The following EXD2 variants were observed in gnomAD, a reference collection of about 807,000 sequenced individuals.
The protein encoded by EXD2 is exonuclease 3'-5' domain-containing protein 2.
In EXD2, 40 loss-of-function variants were observed where a neutral mutation model predicts 62.5. The ratio of observed to expected loss-of-function variants is 0.64; its 90% CI spans 0.50 to 0.83. EXD2 has a LOEUF of 0.83. Ranked by LOEUF, EXD2 falls within the 40% of genes least tolerant of loss-of-function variation. EXD2 has a pLI of 0.00. For synonymous variants in EXD2, 239 were observed against 291.9 expected, an observed-to-expected ratio of 0.82 and a Z score of 1.85; for missense variants, 671 against 761.8, an observed-to-expected ratio of 0.88 and a Z score of 1.40.
Position 69,206,455 on chromosome 14 carries a change from C to CTTTTT in EXD2, c.-48+2482_-48+2486dup, listed in dbSNP as rs56333403. 4.0e-4 allele frequency among the ~76,000 whole-genome samples: 38 copies of CTTTTT among 94,640 alleles called. 1 individual carries two copies. Among genetic ancestry groups the CTTTTT allele is most frequent in the African/African-American group, 1.6e-3 (36 of 22,178 alleles). 62.1% of individuals were successfully genotyped at this position (94,640 alleles called of 152,430 possible). Reference sequence around the variant, plus strand: ...CCCAGCTTCATCTCCCACCCACCCACTTTTTTTTTTTTTTTTTTTTTTTTT... The same window carrying CTTTTT: ...CCCAGCTTCATCTCCCACCCACCCACTTTTTTTTTTTTTTTTTTTTTTTTTTTTTT... On this transcript the variant is annotated intron_variant, in intron 2 of 9. Coordinates refer to ENST00000685843, the MANE Select transcript of EXD2 (RefSeq NM_001193360.2).
chr14:69,195,312 C>G (rs528265143), intron 1 of EXD2, among the ~76,000 whole-genome samples: 1 of 152,182 alleles, frequency 6.6e-6, no homozygotes, highest in African/African-American at 2.4e-5. Context: ...ATCCTCCTGC[C>G]TCAGCCCCCC....
rs2043956366 is a variant in EXD2, at chr14:69,240,818, G to C, written c.1650-66G>C. 7.0e-6 allele frequency: 10 copies of C among 1,430,454 alleles called. No homozygotes were observed. The East Asian group carries it at 2.3e-4, about 33-fold the overall frequency. 88.6% of individuals were successfully genotyped at this position (1,430,454 alleles called of 1,614,324 possible). ...CAGTTACCCTTGGCGCGCAGCATTT[G>C]AAGCTGTCTGTGAGGCCATCCTGCG... On this transcript the variant is annotated intron_variant, in intron 9 of 9. Coordinates refer to ENST00000685843, the MANE Select transcript of EXD2 (RefSeq NM_001193360.2).
intron 2 of EXD2, among the ~76,000 whole-genome samples, chr14:69,206,588 T>A (rs2042613030): frequency 6.7e-6 from 1 of 149,362 alleles, no homozygotes; most frequent in Non-Finnish European, 1.5e-5. Flanking sequence ...CAAGCTATCC[T>A]CCCACCTCAG....
In EXD2 at chr14:69,234,732, A is replaced by G; in HGVS notation, c.750A>G (p.Ser250=). 1 of 1,613,578 alleles carries G rather than the reference A, an allele frequency of 6.2e-7. No individual in the cohort carries two copies. The part of the protein sequence containing the change: ...VIYAARDAQI[S]VALFLHLLGY... ...ATGCTGCCAGGGATGCCCAGATTTC[A>G]GTGGCTCTCTTTCTTCATCTTCTTG... is the stretch of plus-strand genomic sequence containing the variant. Residue 250 remains serine (S), a synonymous_variant, in exon 6 of 10, where the codon TCA becomes TCG. Transcript: ENST00000685843.
chr14:69,196,227 T>G (rs779483175), intron 1 of EXD2: 2 of 152,248 alleles, frequency 1.3e-5, no homozygotes, highest in Non-Finnish European at 2.9e-5. Flanking sequence ...TCATAGTTGA[T>G]TAAGGGCGCA....
intron 3 of EXD2, among the ~76,000 whole-genome samples, chr14:69,221,463 A>T (rs1166308989): frequency 2.6e-5 from 4 of 152,002 alleles, no homozygotes; most frequent in African/African-American, 7.2e-5. Flanking sequence ...TATCTTTAAA[A>T]TTTTTTAATT....
In EXD2 at chr14:69,242,010, T is replaced by G. The variant is rs1594790995; in HGVS notation, c.*910T>G. 7.5e-6 allele frequency: 3 copies of G among 398,602 alleles called. No individual in the cohort carries two copies. The East Asian group carries it at 1.1e-4, about 14-fold the overall frequency. The allele number at this position is 398,602 out of a possible 1,614,324, so 24.7% of individuals were successfully genotyped here. ...CATCGAATTTGCAAGACTGACCTCT[T>G]TTAAGCATTTAATTCACTCCCAGAG... On this transcript the variant is annotated 3_prime_UTR_variant, in exon 10 of 10. Transcript: ENST00000685843.
rs374634110 is a variant in EXD2, at chr14:69,237,525, T to G, written c.1293-50T>G. The G allele has an allele frequency of 1.9e-6, 3 of 1,561,712 alleles. No individual in the cohort carries two copies. The African/African-American group carries it at 4.1e-5, about 21-fold the overall frequency. On this transcript the variant is annotated intron_variant, in intron 8 of 9. Coordinates refer to ENST00000685843, the MANE Select transcript of EXD2 (RefSeq NM_001193360.2). ...GTAGCCTGTCTGCTGTCTTCCCATG[T>G]GCTCTGTCATACACTTATGAGCGCT...
At position 69,242,424 on chromosome 14, in the gene EXD2, A is replaced by G. The variant is rs574715260; in HGVS notation, c.*1324A>G. On this transcript the variant is annotated 3_prime_UTR_variant, in exon 10 of 10. Coordinates refer to ENST00000685843, the MANE Select transcript of EXD2 (RefSeq NM_001193360.2). Reference sequence around the variant, plus strand: ...AACTGGCATTCCTAGGGGAGGGGCTATTTATCCTACAGGTCCCTGCCTCCT... The same window carrying G: ...AACTGGCATTCCTAGGGGAGGGGCTGTTTATCCTACAGGTCCCTGCCTCCT... The G allele has an allele frequency of 1.9e-5, 3 of 162,092 alleles. No homozygotes were observed. The South Asian group carries it at 6.1e-4, about 33-fold the overall frequency. The allele number at this position is 162,092 out of a possible 1,614,324, so 10.0% of individuals were successfully genotyped here. A position where few individuals can be genotyped will look rare whatever the true frequency, so the allele number is the denominator to read the frequency against.
intron 3 of EXD2, among the ~76,000 whole-genome samples, chr14:69,220,158 C>G (rs1357735406): frequency 6.7e-6 from 1 of 150,306 alleles, no homozygotes; most frequent in South Asian, 2.1e-4. Context: ...GATAAATGCC[C>G]TCCTCCTGTC....
intron 5 of EXD2, among the ~76,000 whole-genome samples, chr14:69,233,239 G>A (rs575346499): frequency 1.3e-5 from 2 of 152,090 alleles, no homozygotes; most frequent in Non-Finnish European, 2.9e-5. Flanking sequence ...TTGGATCTAG[G>A]TGGAAAATTT....
intron 4 of EXD2, among the ~76,000 whole-genome samples, chr14:69,229,582 C>T (rs903199201): frequency 1.3e-5 from 2 of 152,146 alleles, no homozygotes; most frequent in African/African-American, 4.8e-5. Context: ...CCTGGCTCCT[C>T]CTAATAAGCC....
chr14:69,235,059 A>C, intron 6 of EXD2, 28 bp downstream of exon 6: 5 of 1,538,162 alleles, frequency 3.3e-6, no homozygotes, highest in Non-Finnish European at 4.4e-6. Context: ...TGTCTAGTAA[A>C]GAGTCAGTGG....
intron 3 of EXD2, among the ~76,000 whole-genome samples, chr14:69,212,998 A>G (rs918527137): frequency 6.6e-6 from 1 of 151,594 alleles, no homozygotes; most frequent in Non-Finnish European, 1.5e-5. Flanking sequence ...GGCGTGAGCA[A>G]CCGTGCCTGG....
intron 3 of EXD2, among the ~76,000 whole-genome samples, chr14:69,226,564 A>G (rs889138830): frequency 6.6e-6 from 1 of 152,156 alleles, no homozygotes; most frequent in East Asian, 1.9e-4. Flanking sequence ...CCTGGCCAAC[A>G]TGGTGAAACC....
In EXD2 at chr14:69,242,657, T is replaced by C. The variant is rs1400465312; in HGVS notation, c.*1557T>C. 6.6e-6 allele frequency: 1 copy of C among 152,080 alleles called. No homozygotes were observed. The highest frequency in any genetic ancestry group is 1.5e-5 in the Non-Finnish European group (1 of 67,994). The allele number at this position is 152,080 out of a possible 1,614,324, so 9.4% of individuals were successfully genotyped here. A position where few individuals can be genotyped will look rare whatever the true frequency, so the allele number is the denominator to read the frequency against. On this transcript the variant is annotated 3_prime_UTR_variant, in exon 10 of 10. Coordinates refer to ENST00000685843, the MANE Select transcript of EXD2 (RefSeq NM_001193360.2). ...CACTTTGAGGAATGTGCATTCACTG[T>C]AGTGGGTTATTATGGGGTCTCTGCC...
At chr14:69,238,547 A>T (rs2043876547) in intron 9 of EXD2, among the ~76,000 whole-genome samples, 1 of 151,958 alleles carries the variant, frequency 6.6e-6, no homozygotes, top group African/African-American at 2.4e-5. Flanking sequence ...TTTATTGTTT[A>T]TGAAGTAATG....
At chr14:69,207,004 T>C (rs2042627142) in intron 2 of EXD2, among the ~76,000 whole-genome samples, 1 of 152,218 alleles carries the variant, frequency 6.6e-6, no homozygotes, top group African/African-American at 2.4e-5. Flanking sequence ...CAGTTTCCTC[T>C]TCAATAAAAG....
intron 7 of EXD2, 108 bp from the exon 8 acceptor site, chr14:69,236,299 C>T (rs2140037358): frequency 6.3e-7 from 1 of 1,580,158 alleles, no homozygotes; most frequent in East Asian, 2.2e-5. Flanking sequence ...ACCCAGAAAT[C>T]ATGTTCTCTG....
Sources: allele counts gnomAD v4.1 joint callset (sites outside exome capture counted in the v4.1 genomes callset), GRCh38; gene constraint gnomAD v4.1.1; transcripts MANE v1.5; gene names NCBI Gene and HGNC (gene_info 2026-07-23, HGNC 2026-07-21).